The following ARHGAP8 variants were observed in gnomAD, a reference collection of about 807,000 sequenced individuals.
ARHGAP8 encodes rho GTPase-activating protein 8.
In ARHGAP8, 62 loss-of-function variants were observed where a neutral mutation model predicts 46.1. That is an observed-to-expected ratio of 1.34 (90% confidence interval 1.10 to 1.66). ARHGAP8 has a LOEUF of 1.66. Ranked by LOEUF, ARHGAP8 falls within the 40% of genes most tolerant of loss-of-function variation. The pLI is 0.00. For missense variants in ARHGAP8, 923 were observed against 568.4 expected, an observed-to-expected ratio of 1.62 and a Z score of -6.34; for synonymous variants, 375 against 243.1, an observed-to-expected ratio of 1.54 and a Z score of -5.05.
chr22:44,861,028 C>G (rs542009887), intron 11 of ARHGAP8, among the ~76,000 whole-genome samples: 1 of 152,172 alleles, frequency 6.6e-6, no homozygotes, highest in Non-Finnish European at 1.5e-5. Flanking sequence ...TTTTTTGAGA[C>G]AGTCTTGCTC....
intron 2 of ARHGAP8, among the ~76,000 whole-genome samples, chr22:44,787,047 A>AAAAAAAAAAAAAC (rs796358176): frequency 6.9e-6 from 1 of 145,560 alleles, no homozygotes. Context: ...CAAAAAAAAA[A>AAAAAAAAAAAAAC]AAAAGAAAGA....
chr22:44,809,019 A>G lies in ARHGAP8; in HGVS notation c.299+581A>G, dbSNP rs1241372254. ...TTTTTTTTGTAGAGACGGGGATCTC[A>G]CTATGTGGCCCAGGCTGGTCTCGAA... On this transcript the variant is annotated intron_variant, in intron 4 of 11. Coordinates refer to ENST00000356099, the MANE Select transcript of ARHGAP8 (RefSeq NM_181335.3). 8 of 444,866 alleles carry G rather than the reference A, an allele frequency of 1.8e-5. 1 individual carries two copies. Among genetic ancestry groups the G allele is most frequent in the Admixed American group, 9.9e-5 (4 of 40,580 alleles). 27.6% of individuals were successfully genotyped at this position (444,866 alleles called of 1,614,324 possible). A position where few individuals can be genotyped will look rare whatever the true frequency, so the allele number is the denominator to read the frequency against.
intron 1 of ARHGAP8, among the ~76,000 whole-genome samples, chr22:44,763,123 G>A (rs1410656478): frequency 6.6e-6 from 1 of 152,126 alleles, no homozygotes; most frequent in Non-Finnish European, 1.5e-5. Context: ...TGGTTGGGAA[G>A]GTGGGGAGAA....
chr22:44,813,313 C>A (rs1929473197), intron 4 of ARHGAP8, among the ~76,000 whole-genome samples: 1 of 151,310 alleles, frequency 6.6e-6, no homozygotes, highest in Admixed American at 6.6e-5. Context: ...GTACATACAC[C>A]TGCATACACA....
At chr22:44,811,527 G>T (rs753459505) in intron 4 of ARHGAP8, among the ~76,000 whole-genome samples, 4 of 152,228 alleles carry the variant, frequency 2.6e-5, no homozygotes, top group Non-Finnish European at 5.9e-5. Context: ...GAAAGAGGCA[G>T]ACTTGTTCTG....
chr22:44,774,301 G>T (rs1309268253), intron 1 of ARHGAP8, among the ~76,000 whole-genome samples: 1 of 152,176 alleles, frequency 6.6e-6, no homozygotes, highest in Admixed American at 6.6e-5. Flanking sequence ...TCCGAGCCAA[G>T]ATGTAGTGAA....
rs568667372 is a variant in ARHGAP8 at position 44,861,201 on chromosome 22, A to C, written c.982-1074A>C. 8.2e-3 allele frequency among the ~76,000 whole-genome samples: 1,248 copies of C among 152,102 alleles called. 8 individuals are homozygous for C. The highest frequency in any genetic ancestry group is 0.02 in the Middle Eastern group (6 of 294). Reference sequence around the variant, plus strand: ...TGGCCAGGCTGATCTTGAACTCCTGACCTCAGGTGATCCACCTGCCTCGGC... The same window carrying C: ...TGGCCAGGCTGATCTTGAACTCCTGCCCTCAGGTGATCCACCTGCCTCGGC... On this transcript the variant is annotated intron_variant, in intron 11 of 11. Coordinates refer to ENST00000356099, the MANE Select transcript of ARHGAP8 (RefSeq NM_181335.3).
intron 5 of ARHGAP8, among the ~76,000 whole-genome samples, chr22:44,816,884 C>CTTTTTTTTTTTTTTTTTTTTT (rs981732386): frequency 1.7e-5 from 2 of 115,110 alleles, no homozygotes; most frequent in African/African-American, 3.3e-5. Flanking sequence ...TTCTTTCTTT[C>CTTTTTTTTTTTTTTTTTTTTT]TTTTTTTTTT....
At chr22:44,759,498 G>A (rs771253049) in intron 1 of ARHGAP8, among the ~76,000 whole-genome samples, 2 of 152,216 alleles carry the variant, frequency 1.3e-5, no homozygotes, top group Non-Finnish European at 2.9e-5. Flanking sequence ...AAAGGTCTGG[G>A]GATAGTATGG....
chr22:44,831,104 C>T (rs9614945), intron 7 of ARHGAP8, among the ~76,000 whole-genome samples: 27,835 of 152,154 alleles, frequency 0.18, 2,662 homozygotes, highest in South Asian at 0.21. Context: ...TGTTTTCTTC[C>T]GTCCTATGTG....
chr22:44,770,103 G>C (rs111439829), intron 1 of ARHGAP8, among the ~76,000 whole-genome samples: 4 of 152,036 alleles, frequency 2.6e-5, no homozygotes, highest in Non-Finnish European at 5.9e-5. Flanking sequence ...AATTAGCCAG[G>C]CATGGTGGTG....
At chr22:44,767,641 C>T (rs1018523379) in intron 1 of ARHGAP8, among the ~76,000 whole-genome samples, 1 of 151,828 alleles carries the variant, frequency 6.6e-6, no homozygotes, top group African/African-American at 2.4e-5. Context: ...GAAAACAACC[C>T]CCTACCACCT....
At chr22:44,789,701 A>G (rs770362363) in intron 2 of ARHGAP8, among the ~76,000 whole-genome samples, 31 of 151,998 alleles carry the variant, frequency 2.0e-4, no homozygotes, top group Non-Finnish European at 4.3e-4. Flanking sequence ...GGGTTTTGTC[A>G]TGTTACCCAG....
chr22:44,762,834 G>A (rs112852059), intron 1 of ARHGAP8, among the ~76,000 whole-genome samples: 9,063 of 152,028 alleles, frequency 0.06, 632 homozygotes, highest in African/African-American at 0.16. Context: ...ATGAGCCACC[G>A]TTCCCAGCGA....
At chr22:44,762,038 T>C (rs1925169656) in intron 1 of ARHGAP8, among the ~76,000 whole-genome samples, 1 of 152,220 alleles carries the variant, frequency 6.6e-6, no homozygotes, top group African/African-American at 2.4e-5. Flanking sequence ...GGAGCTACAA[T>C]TCAAGATGAG....
chr22:44,861,682 G>A (rs944091373), intron 11 of ARHGAP8, among the ~76,000 whole-genome samples: 2 of 152,286 alleles, frequency 1.3e-5, no homozygotes, highest in South Asian at 4.1e-4. Context: ...TGGTCCACAT[G>A]GCCCCCTGCC....
At chr22:44,798,007 C>T (rs930424482) in intron 2 of ARHGAP8, among the ~76,000 whole-genome samples, 3 of 130,862 alleles carry the variant, frequency 2.3e-5, no homozygotes, top group Non-Finnish European at 4.8e-5. Context: ...GAGACAAAGT[C>T]TCACTCTTGC....
chr22:44,816,755 T>G (rs1384861768), intron 5 of ARHGAP8, among the ~76,000 whole-genome samples: 1 of 147,108 alleles, frequency 6.8e-6, no homozygotes, highest in Non-Finnish European at 1.5e-5. Flanking sequence ...CAGTGGCTTG[T>G]GTTTGTGCCA....
intron 7 of ARHGAP8, among the ~76,000 whole-genome samples, chr22:44,836,720 G>T (rs780157708): frequency 1.1e-4 from 17 of 151,868 alleles, no homozygotes; most frequent in African/African-American, 7.3e-5. Flanking sequence ...ATTGGGAGGG[G>T]ACGTGTTGTA....
Sources: gnomAD v4.1 joint callset for allele counts (sites outside exome capture counted in the v4.1 genomes callset) on GRCh38, gnomAD v4.1.1 for gene constraint, MANE v1.5 for transcripts, NCBI Gene and HGNC (gene_info 2026-07-23, HGNC 2026-07-21) for gene names.